RBFOX1: variants seen among roughly 807,000 people sequenced by gnomAD.
RBFOX1 encodes the protein RNA binding fox-1 homolog 1, also known as RNA binding protein fox-1 homolog 1.
RBFOX1 carries 8 observed loss-of-function variants against 57.7 expected under a neutral mutation model. The observed-to-expected ratio is 0.14, with a 90% CI of 0.08 to 0.25. The LOEUF is 0.25. RBFOX1 is among the 10% of genes least tolerant of loss of function. The pLI is 1.00. For synonymous variants in RBFOX1, 326 were observed against 222.4 expected, an observed-to-expected ratio of 1.47 and a Z score of -4.15; for missense variants, 611 against 548.5, an observed-to-expected ratio of 1.11 and a Z score of -1.14.
intron 2 of RBFOX1, among the ~76,000 whole-genome samples, chr16:5,552,234 T>G (rs1234685085): frequency 6.6e-6 from 1 of 152,184 alleles, no homozygotes; most frequent in Non-Finnish European, 1.5e-5. Flanking sequence ...GGGATGATTC[T>G]TTTCCCCTGG....
intron 1 of RBFOX1, among the ~76,000 whole-genome samples, chr16:6,281,490 T>A (rs1016892409): frequency 6.6e-6 from 1 of 151,952 alleles, no homozygotes; most frequent in Non-Finnish European, 1.5e-5. Flanking sequence ...AGAAAACAGC[T>A]TCCACCGAGG....
chr16:7,118,096 T>A (rs1434971017), intron 4 of RBFOX1, among the ~76,000 whole-genome samples: 1 of 152,180 alleles, frequency 6.6e-6, no homozygotes, highest in Non-Finnish European at 1.5e-5. Flanking sequence ...AGATAACCAG[T>A]AGTGGGATTA....
intron 2 of RBFOX1, among the ~76,000 whole-genome samples, chr16:5,531,504 A>G (rs912181568): frequency 3.3e-5 from 5 of 152,222 alleles, no homozygotes. Flanking sequence ...AGCATGGGGC[A>G]ATAATGAGGG....
At chr16:6,312,153 G>C (rs1466180656) in intron 1 of RBFOX1, among the ~76,000 whole-genome samples, 1 of 152,174 alleles carries the variant, frequency 6.6e-6, no homozygotes, top group African/African-American at 2.4e-5. Context: ...GCTAGCAACA[G>C]AAATCCATTC....
intron 2 of RBFOX1, among the ~76,000 whole-genome samples, chr16:6,498,011 G>A (rs1354743215): frequency 1.3e-5 from 2 of 152,046 alleles, no homozygotes; most frequent in Non-Finnish European, 2.9e-5. Flanking sequence ...CACTTTGGGA[G>A]GCTGAGGCGG....
chr16:7,109,226 T>C (rs1003930363), intron 4 of RBFOX1, among the ~76,000 whole-genome samples: 1 of 152,148 alleles, frequency 6.6e-6, no homozygotes, highest in Non-Finnish European at 1.5e-5. Flanking sequence ...CAGTAGATTT[T>C]CTAATGTTAA....
chr16:6,185,731 C>G (rs1488369250), intron 1 of RBFOX1, among the ~76,000 whole-genome samples: 1 of 152,202 alleles, frequency 6.6e-6, no homozygotes, highest in East Asian at 1.9e-4. Flanking sequence ...TGGAGAAAGA[C>G]TGTGGACTTG....
intron 1 of RBFOX1, among the ~76,000 whole-genome samples, chr16:6,160,797 G>T (rs2096872561): frequency 1.3e-5 from 2 of 152,118 alleles, no homozygotes; most frequent in African/African-American, 4.8e-5. Context: ...CTTTGCACTT[G>T]CTGATCTCTC....
At chr16:6,003,989 A>G (rs895821077) in intron 4 of RBFOX1, among the ~76,000 whole-genome samples, 6 of 152,136 alleles carry the variant, frequency 3.9e-5, no homozygotes, top group Non-Finnish European at 8.8e-5. Flanking sequence ...GGGTTTATTG[A>G]GAGTTTATTG....
chr16:6,841,151 C>T, intron 3 of RBFOX1, among the ~76,000 whole-genome samples: 1 of 151,764 alleles, frequency 6.6e-6, no homozygotes, highest in Non-Finnish European at 1.5e-5. Context: ...GGATATTAGC[C>T]TATGGCATTT....
intron 3 of RBFOX1, among the ~76,000 whole-genome samples, chr16:6,941,024 C>T (rs1461855721): frequency 6.6e-6 from 1 of 151,854 alleles, no homozygotes; most frequent in Non-Finnish European, 1.5e-5. Flanking sequence ...TCGTATACTT[C>T]TATATGTGTA....
chr16:6,759,306 A>G (rs1254826589), intron 3 of RBFOX1, among the ~76,000 whole-genome samples: 3 of 152,096 alleles, frequency 2.0e-5, no homozygotes, highest in East Asian at 3.9e-4. Context: ...GCATGGCACC[A>G]CAGCTGGCTA....
intron 3 of RBFOX1, among the ~76,000 whole-genome samples, chr16:7,039,220 T>C (rs939132058): frequency 6.6e-6 from 1 of 152,240 alleles, no homozygotes; most frequent in Admixed American, 6.5e-5. Flanking sequence ...TTGGGTTTAT[T>C]GTGCAAGTTT....
chr16:5,322,597 C>A (rs538902703), intron 1 of RBFOX1, among the ~76,000 whole-genome samples: 7 of 152,240 alleles, frequency 4.6e-5, no homozygotes, highest in African/African-American at 1.7e-4. Flanking sequence ...TTGCTCAAGC[C>A]CTTTTGTTCT....
intron 1 of RBFOX1, among the ~76,000 whole-genome samples, chr16:5,355,416 C>G (rs916414906): frequency 1.3e-5 from 2 of 152,140 alleles, no homozygotes; most frequent in African/African-American, 4.8e-5. Flanking sequence ...AGCCTGAGGA[C>G]AAGGAGACCT....
intron 3 of RBFOX1, among the ~76,000 whole-genome samples, chr16:5,729,632 T>A (rs1229161195): frequency 1.3e-5 from 2 of 152,210 alleles, no homozygotes; most frequent in East Asian, 3.9e-4. Context: ...CTGTATCTCT[T>A]CCACTAAAGG....
intron 9 of RBFOX1, among the ~76,000 whole-genome samples, chr16:7,606,421 C>T (rs1036523384): frequency 3.9e-5 from 6 of 152,070 alleles, no homozygotes; most frequent in Admixed American, 2.0e-4. Flanking sequence ...TCACCCAGCC[C>T]GCACGGATGC....
chr16:7,675,322 G>C (rs917588706), intron 13 of RBFOX1, among the ~76,000 whole-genome samples: 1 of 151,684 alleles, frequency 6.6e-6, no homozygotes, highest in African/African-American at 2.4e-5. Flanking sequence ...TTCCTAATTG[G>C]AGAACATAGT....
chr16:5,484,310 A>G (rs2069650218), intron 2 of RBFOX1, among the ~76,000 whole-genome samples: 2 of 152,232 alleles, frequency 1.3e-5, no homozygotes, highest in African/African-American at 4.8e-5. Context: ...ATTTGGAGAT[A>G]CTAGTTTCCT....
Sources: allele counts gnomAD v4.1 joint callset (sites outside exome capture counted in the v4.1 genomes callset), GRCh38; gene constraint gnomAD v4.1.1; transcripts MANE v1.5; gene names NCBI Gene and HGNC (gene_info 2026-07-23, HGNC 2026-07-21).